Variants in XKR4 observed in about 807,000 individuals in gnomAD.
XKR4 encodes XK-related protein 4.
In XKR4, 12 loss-of-function variants were observed where a neutral mutation model predicts 53.9. That is an observed-to-expected ratio of 0.22 (90% confidence interval 0.14 to 0.36). XKR4 has a LOEUF of 0.36. XKR4 is among the 10% of genes least tolerant of loss of function. The pLI is 1.00. For synonymous variants in XKR4, 354 were observed against 362.4 expected, an observed-to-expected ratio of 0.98 and a Z score of 0.26; for missense variants, 799 against 859.5, an observed-to-expected ratio of 0.93 and a Z score of 0.88.
At chr8:55,408,930 C>T (rs1235364913) in intron 2 of XKR4, among the ~76,000 whole-genome samples, 1 of 151,412 alleles carries the variant, frequency 6.6e-6, no homozygotes, top group Non-Finnish European at 1.5e-5. Context: ...TCCCTTGAAC[C>T]CGGGAAGCAG....
rs77907123 is a variant in XKR4 at position 55,164,917 on chromosome 8, C to T, written c.806+61623C>T. ...AAAGCTCATTTGCTGCCTCACCCTC[C>T]CTCTCCCCATGTCCTATAGACCCTG... On this transcript the variant is annotated intron_variant, in intron 1 of 2. Coordinates refer to ENST00000327381, the MANE Select transcript of XKR4 (RefSeq NM_052898.2). 9.3e-3 allele frequency among the ~76,000 whole-genome samples: 1,410 copies of T among 152,254 alleles called. 9 individuals carry two copies. The highest frequency in any genetic ancestry group is 0.013 in the Non-Finnish European group (916 of 68,016).
rs559489610 is a variant in XKR4, at chr8:55,246,920, G to A, written c.807-110758G>A. ...TATTCACTGTGCTCTGGATTTCTTC[G>A]AGGAAAATCCCTGGGGGCCGGCTGA... On this transcript the variant is annotated intron_variant, in intron 1 of 2. Coordinates refer to ENST00000327381, the MANE Select transcript of XKR4 (RefSeq NM_052898.2). Among the ~76,000 whole-genome samples the A allele has an allele frequency of 4.9e-4, 74 of 152,154 alleles. 1 individual carries two copies. The highest frequency in any genetic ancestry group is 1.6e-3 in the African/African-American group (68 of 41,500).
At chr8:55,188,382 C>T (rs1817405655) in intron 1 of XKR4, among the ~76,000 whole-genome samples, 2 of 152,038 alleles carry the variant, frequency 1.3e-5, no homozygotes, top group South Asian at 4.1e-4. Context: ...CCTAAAAAGA[C>T]AAAACAACCT....
At chr8:55,512,453 C>A (rs1413158973) in intron 2 of XKR4, among the ~76,000 whole-genome samples, 2 of 152,238 alleles carry the variant, frequency 1.3e-5, no homozygotes, top group Non-Finnish European at 2.9e-5. Flanking sequence ...CACCTGCAAG[C>A]TTTGGCCTGT....
chr8:55,227,709 C>T (rs956076989), intron 1 of XKR4, among the ~76,000 whole-genome samples: 23 of 152,168 alleles, frequency 1.5e-4, no homozygotes, highest in African/African-American at 5.6e-4. Context: ...CAGGTGGAGA[C>T]AGATAGAGGA....
chr8:55,469,568 T>C (rs1184265355), intron 2 of XKR4, among the ~76,000 whole-genome samples: 1 of 152,162 alleles, frequency 6.6e-6, no homozygotes, highest in Non-Finnish European at 1.5e-5. Context: ...TGTATCCTAC[T>C]TCCAAGAAAC....
intron 1 of XKR4, among the ~76,000 whole-genome samples, chr8:55,233,843 A>G (rs530599461): frequency 2.0e-5 from 3 of 152,362 alleles, no homozygotes; most frequent in East Asian, 3.9e-4. Flanking sequence ...AACACACTGA[A>G]TAAAGCATGA....
chr8:55,116,760 C>A (rs1179093555), intron 1 of XKR4, among the ~76,000 whole-genome samples: 2 of 152,160 alleles, frequency 1.3e-5, no homozygotes, highest in African/African-American at 4.8e-5. Flanking sequence ...TTCCCTCCCC[C>A]ATCTATGTGC....
intron 2 of XKR4, among the ~76,000 whole-genome samples, chr8:55,518,653 G>A (rs1358899378): frequency 6.6e-6 from 1 of 152,198 alleles, no homozygotes; most frequent in East Asian, 1.9e-4. Flanking sequence ...GGCCCGTGGG[G>A]TTTCAGGTCT....
chr8:55,347,551 G>A (rs1803667190), intron 1 of XKR4, among the ~76,000 whole-genome samples: 1 of 152,178 alleles, frequency 6.6e-6, no homozygotes, highest in African/African-American at 2.4e-5. Flanking sequence ...CCCTTAGCAT[G>A]CTTCCCAGGG....
intron 2 of XKR4, among the ~76,000 whole-genome samples, chr8:55,447,982 C>T (rs1585577879): frequency 6.6e-6 from 1 of 152,216 alleles, no homozygotes; most frequent in Non-Finnish European, 1.5e-5. Flanking sequence ...GTGAATGACA[C>T]TGAGCCCCCA....
intron 2 of XKR4, among the ~76,000 whole-genome samples, chr8:55,399,674 G>A (rs767175940): frequency 6.6e-6 from 1 of 152,298 alleles, no homozygotes; most frequent in South Asian, 2.1e-4. Context: ...TGACATGGGC[G>A]CTCGTGCCAA....
intron 1 of XKR4, among the ~76,000 whole-genome samples, chr8:55,314,985 C>T (rs1437583929): frequency 6.6e-6 from 1 of 152,176 alleles, no homozygotes; most frequent in Non-Finnish European, 1.5e-5. Flanking sequence ...GGCAAAAACG[C>T]TGTGCATTTG....
intron 2 of XKR4, among the ~76,000 whole-genome samples, chr8:55,426,397 A>T (rs781165053): frequency 6.6e-6 from 1 of 152,220 alleles, no homozygotes; most frequent in East Asian, 1.9e-4. Flanking sequence ...TCTGTCACAC[A>T]TACACACACA....
At chr8:55,440,301 G>T (rs963118708) in intron 2 of XKR4, among the ~76,000 whole-genome samples, 6 of 152,294 alleles carry the variant, frequency 3.9e-5, no homozygotes, top group Middle Eastern at 3.4e-3. Flanking sequence ...TTCAGTGGGT[G>T]CAAGGATGAG....
chr8:55,193,368 C>A (rs942960567), intron 1 of XKR4, among the ~76,000 whole-genome samples: 4 of 152,116 alleles, frequency 2.6e-5, no homozygotes, highest in Non-Finnish European at 4.4e-5. Context: ...TCCGCCACCC[C>A]ACTGCATGCA....
chr8:55,153,329 C>T (rs577029018), intron 1 of XKR4, among the ~76,000 whole-genome samples: 29 of 152,040 alleles, frequency 1.9e-4, no homozygotes, highest in East Asian at 5.8e-4. Flanking sequence ...GTTTTTCTCC[C>T]GAGGGAAGAT....
intron 2 of XKR4, among the ~76,000 whole-genome samples, chr8:55,474,297 G>A (rs1585594270): frequency 6.6e-6 from 1 of 151,948 alleles, no homozygotes; most frequent in East Asian, 1.9e-4. Context: ...TTTACATATT[G>A]GGCTGAATTG....
chr8:55,106,020 T>A lies in XKR4; in HGVS notation c.806+2726T>A, dbSNP rs540034259. On this transcript the variant is annotated intron_variant, in intron 1 of 2. Coordinates refer to ENST00000327381, the MANE Select transcript of XKR4 (RefSeq NM_052898.2). ...TGCCTCTTCTAGCTTTTCTTTTCAATACATTATACACAAATATTGCAGAAA... is the reference window on the plus strand; with the variant it reads ...TGCCTCTTCTAGCTTTTCTTTTCAAAACATTATACACAAATATTGCAGAAA... 2.6e-4 allele frequency among the ~76,000 whole-genome samples: 40 copies of A among 152,320 alleles called. No homozygotes were observed. The South Asian group carries it at 7.0e-3, about 27-fold the overall frequency.
Sources: allele counts gnomAD v4.1 joint callset (sites outside exome capture counted in the v4.1 genomes callset), GRCh38; gene constraint gnomAD v4.1.1; transcripts MANE v1.5; gene names NCBI Gene and HGNC (gene_info 2026-07-23, HGNC 2026-07-21).